KANK1: variants seen among roughly 807,000 people sequenced by gnomAD.
The protein encoded by KANK1 is KN motif and ankyrin repeat domains 1.
KANK1 carries 109 observed loss-of-function variants against 106.2 expected under a neutral mutation model. The ratio of observed to expected loss-of-function variants is 1.03; its 90% CI spans 0.88 to 1.20. The LOEUF is 1.20. Ranked by LOEUF, KANK1 falls within the 50% of genes most tolerant of loss-of-function variation. The pLI is 0.00. For synonymous variants in KANK1, 873 were observed against 652.2 expected (o/e 1.34, Z -5.16); for missense variants, 2,399 against 1,710.7 (o/e 1.40, Z -7.10).
At chr9:623,485 T>A (rs10124848) in intron 1 of KANK1, among the ~76,000 whole-genome samples, 27,139 of 151,430 alleles carry the variant, frequency 0.18, 4,754 homozygotes, top group African/African-American at 0.46. Context: ...AGTTACCCAT[T>A]AGACTGAGGT....
chr9:501,414 T>TAA (rs144071363), upstream of KANK1, among the ~76,000 whole-genome samples: 13 of 149,500 alleles, frequency 8.7e-5, no homozygotes, highest in African/African-American at 2.4e-4. Context: ...ACAAACTTTA[T>TAA]AAAAAAAAAA....
intron 3 of KANK1, among the ~76,000 whole-genome samples, chr9:493,543 G>GGGGTAATT (rs1033662833): frequency 6.7e-6 from 1 of 149,248 alleles, no homozygotes; most frequent in Non-Finnish European, 1.5e-5. Flanking sequence ...TGCTAGTTTT[G>GGGGTAATT]GGGTAATTTG....
chr9:507,682 G>C (rs59656343), intron 1 of KANK1, among the ~76,000 whole-genome samples: 1 of 150,832 alleles, frequency 6.6e-6, no homozygotes, highest in African/African-American at 2.4e-5. Flanking sequence ...TCAGCCTCCC[G>C]AGTAGCTGGG....
At chr9:720,375 C>G (rs974083996) in intron 3 of KANK1, among the ~76,000 whole-genome samples, 1 of 152,134 alleles carries the variant, frequency 6.6e-6, no homozygotes, top group East Asian at 1.9e-4. Flanking sequence ...GACAAGGTCT[C>G]ACTCTGTCTT....
chr9:633,519 A>C (rs113778135), intron 1 of KANK1, among the ~76,000 whole-genome samples: 236 of 152,320 alleles, frequency 1.5e-3, no homozygotes, highest in African/African-American at 5.4e-3. Context: ...TACTTCCAAC[A>C]GTGCTACCCC....
At chr9:640,402 AT>A (rs1031842287) in intron 1 of KANK1, among the ~76,000 whole-genome samples, 209 of 142,848 alleles carry the variant, frequency 1.5e-3, no homozygotes, top group Admixed American at 1.5e-3. Flanking sequence ...CGCCCAGCTA[AT>A]TTTTTTTTTT....
At chr9:525,333 C>T (rs1258980129) in intron 1 of KANK1, among the ~76,000 whole-genome samples, 1 of 146,030 alleles carries the variant, frequency 6.8e-6, no homozygotes, top group African/African-American at 2.7e-5. Flanking sequence ...TGATTTCTGA[C>T]AGAATATGTA....
chr9:509,726 G>A (rs1430143642), intron 1 of KANK1, among the ~76,000 whole-genome samples: 4 of 152,168 alleles, frequency 2.6e-5, no homozygotes, highest in South Asian at 4.1e-4. Flanking sequence ...TTTTGTTTAT[G>A]TGGCTTGGGA....
intron 1 of KANK1, among the ~76,000 whole-genome samples, chr9:537,627 GTATATTT>G (rs1191343717): frequency 1.3e-5 from 2 of 151,700 alleles, no homozygotes; most frequent in Non-Finnish European, 2.9e-5. Flanking sequence ...ATAATAATAG[GTATATTT>G]CAACACCTGT....
chr9:557,616 C>T (rs1274404349), intron 1 of KANK1, among the ~76,000 whole-genome samples: 2 of 152,124 alleles, frequency 1.3e-5, no homozygotes. Flanking sequence ...ATCTCATGGC[C>T]ACAGATAGTA....
At chr9:506,239 A>G (rs2058750732) in intron 1 of KANK1, among the ~76,000 whole-genome samples, 1 of 152,176 alleles carries the variant, frequency 6.6e-6, no homozygotes, top group Non-Finnish European at 1.5e-5. Context: ...ACTGAGTGAG[A>G]AAACTGAGAG....
At chr9:571,720 A>G (rs905355271) in intron 1 of KANK1, among the ~76,000 whole-genome samples, 4 of 152,244 alleles carry the variant, frequency 2.6e-5, no homozygotes, top group African/African-American at 7.2e-5. Context: ...CAGTTGGACT[A>G]TAGAGTCTCA....
chr9:601,885 G>T (rs1827836633), intron 1 of KANK1, among the ~76,000 whole-genome samples: 1 of 151,778 alleles, frequency 6.6e-6, no homozygotes, highest in South Asian at 2.1e-4. Context: ...CTGGACAATG[G>T]TGTTTAGAAA....
intron 1 of KANK1, among the ~76,000 whole-genome samples, chr9:639,370 G>A (rs916490989): frequency 3.3e-5 from 5 of 151,630 alleles, no homozygotes; most frequent in African/African-American, 1.2e-4. Flanking sequence ...CTATCACCCG[G>A]GCTAGAGTGC....
intron 2 of KANK1, chr9:706,740 T>G (rs531990274): frequency 1.0e-6 from 1 of 978,044 alleles, no homozygotes; most frequent in African/African-American, 1.7e-5. Flanking sequence ...CTGAGAAGAG[T>G]CAGGCAGTGC....
Position 738,604 on chromosome 9 carries a change from G to A in KANK1, c.3553+100G>A, listed in dbSNP as rs142417645. 3.0e-3 allele frequency: 2,678 copies of A among 901,658 alleles called. 10 individuals carry two copies. Among genetic ancestry groups the A allele is most frequent in the Non-Finnish European group, 4.0e-3 (2,264 of 564,776 alleles). The allele number at this position is 901,658 out of a possible 1,614,324, so 55.9% of individuals were successfully genotyped here. A position where few individuals can be genotyped will look rare whatever the true frequency, so the allele number is the denominator to read the frequency against. ...AGCCACTCCTGAATTCTCTGACCATGCTAAAATCCTTTTTATTGCTTTTCC... is the reference window on the plus strand; with the variant it reads ...AGCCACTCCTGAATTCTCTGACCATACTAAAATCCTTTTTATTGCTTTTCC... On this transcript the variant is annotated intron_variant, in intron 8 of 11. Coordinates refer to ENST00000382297, the MANE Select transcript of KANK1 (RefSeq NM_015158.5).
intron 2 of KANK1, chr9:686,766 G>A: frequency 3.0e-6 from 3 of 985,406 alleles, no homozygotes; most frequent in Non-Finnish European, 3.6e-6. Context: ...AGGGATCTGA[G>A]TGGGCCCAAG....
intron 1 of KANK1, among the ~76,000 whole-genome samples, chr9:546,170 G>C (rs1037896668): frequency 1.3e-5 from 2 of 152,182 alleles, no homozygotes; most frequent in Non-Finnish European, 2.9e-5. Context: ...GGGTGCACTT[G>C]TTTAGTGTGC....
chr9:717,909 T>C (rs2131187325), intron 3 of KANK1, among the ~76,000 whole-genome samples: 1 of 152,312 alleles, frequency 6.6e-6, no homozygotes, highest in Non-Finnish European at 1.5e-5. Flanking sequence ...TTATAGAACA[T>C]TCATCTCTCA....
Sources: allele counts gnomAD v4.1 joint callset (sites outside exome capture counted in the v4.1 genomes callset), GRCh38; gene constraint gnomAD v4.1.1; transcripts MANE v1.5; gene names NCBI Gene and HGNC (gene_info 2026-07-23, HGNC 2026-07-21).